Variants in ANKS1B observed in about 807,000 individuals in gnomAD.
The protein encoded by ANKS1B is ankyrin repeat and sterile alpha motif domain containing 1B, also known as ankyrin repeat and sterile alpha motif domain-containing protein 1B.
In ANKS1B, 36 loss-of-function variants were observed where a neutral mutation model predicts 148.3. That is an observed-to-expected ratio of 0.24 (90% CI 0.19 to 0.32). The LOEUF is 0.32. Among genes scored for constraint, ANKS1B ranks in the 10% least tolerant of loss-of-function variants. The pLI, the probability that ANKS1B is intolerant of heterozygous loss-of-function variation, is 1.00. For synonymous variants in ANKS1B, 542 were observed against 560.8 expected (o/e 0.97, Z 0.47); for missense variants, 1,157 against 1,542.6 (o/e 0.75, Z 4.19).
chr12:99,739,770 G>A (rs1190475727), intron 8 of ANKS1B, among the ~76,000 whole-genome samples: 1 of 151,950 alleles, frequency 6.6e-6, no homozygotes, highest in East Asian at 1.9e-4. Flanking sequence ...TCAGATAGTT[G>A]ATGGCTAACT....
intron 9 of ANKS1B, among the ~76,000 whole-genome samples, chr12:99,540,018 C>T (rs1385472054): frequency 6.6e-6 from 1 of 151,862 alleles, no homozygotes; most frequent in Non-Finnish European, 1.5e-5. Context: ...AGTGACTATA[C>T]TAATATTGAA....
intron 17 of ANKS1B, among the ~76,000 whole-genome samples, chr12:98,919,997 G>C (rs1376649453): frequency 6.6e-6 from 1 of 152,136 alleles, no homozygotes; most frequent in East Asian, 1.9e-4. Flanking sequence ...TAGTTTGCTA[G>C]GTCTACCATA....
chr12:98,909,001 T>C (rs1461899054), intron 17 of ANKS1B, among the ~76,000 whole-genome samples: 1 of 152,162 alleles, frequency 6.6e-6, no homozygotes, highest in Non-Finnish European at 1.5e-5. Context: ...CAGTGTCTGT[T>C]CTCAAAGAGG....
intron 17 of ANKS1B, among the ~76,000 whole-genome samples, chr12:98,873,758 C>T (rs1486868210): frequency 2.6e-5 from 4 of 152,194 alleles, no homozygotes; most frequent in Non-Finnish European, 5.9e-5. Flanking sequence ...TGAAAAAAGA[C>T]AGTCGTCGTC....
chr12:99,276,184 G>A (rs2153993628), intron 12 of ANKS1B, among the ~76,000 whole-genome samples: 1 of 152,272 alleles, frequency 6.6e-6, no homozygotes. Context: ...ATGAATGAGA[G>A]TTGAGTTAGA....
At chr12:99,618,530 C>T (rs143246573) in intron 9 of ANKS1B, among the ~76,000 whole-genome samples, 1 of 152,210 alleles carries the variant, frequency 6.6e-6, no homozygotes, top group African/African-American at 2.4e-5. Flanking sequence ...GAGGAGAATG[C>T]TGGCCAACAG....
intron 17 of ANKS1B, among the ~76,000 whole-genome samples, chr12:98,936,296 C>T (rs1416339208): frequency 6.6e-6 from 1 of 152,188 alleles, no homozygotes; most frequent in Non-Finnish European, 1.5e-5. Context: ...GACTCCAAAG[C>T]CAATGCTGTC....
chr12:99,127,914 A>G (rs2064891913), intron 15 of ANKS1B, among the ~76,000 whole-genome samples: 1 of 152,238 alleles, frequency 6.6e-6, no homozygotes, highest in African/African-American at 2.4e-5. Flanking sequence ...TATTTTGAAA[A>G]GATACATAAA....
At chr12:99,527,562 C>A (rs999995557) in intron 9 of ANKS1B, among the ~76,000 whole-genome samples, 4 of 152,092 alleles carry the variant, frequency 2.6e-5, no homozygotes, top group Non-Finnish European at 5.9e-5. Context: ...AGAGTTATAT[C>A]TTACAATTAT....
chr12:98,780,895 G>A (rs1351509598), intron 24 of ANKS1B, among the ~76,000 whole-genome samples: 1 of 152,110 alleles, frequency 6.6e-6, no homozygotes, highest in East Asian at 1.9e-4. Flanking sequence ...AGAAACCCCA[G>A]ATCAAGCCCT....
chr12:99,444,310 G>A (rs151187407), intron 10 of ANKS1B, among the ~76,000 whole-genome samples: 282 of 151,988 alleles, frequency 1.9e-3, no homozygotes, highest in African/African-American at 6.6e-3. Flanking sequence ...GCACCCTAGT[G>A]AATGAAGCTT....
intron 17 of ANKS1B, among the ~76,000 whole-genome samples, chr12:98,916,000 G>C (rs2099793874): frequency 6.6e-6 from 1 of 152,112 alleles, no homozygotes; most frequent in Non-Finnish European, 1.5e-5. Flanking sequence ...CCTAGGTCTT[G>C]CCTATCCTGC....
intron 9 of ANKS1B, among the ~76,000 whole-genome samples, chr12:99,615,166 A>T (rs1398370932): frequency 6.6e-6 from 1 of 150,742 alleles, no homozygotes; most frequent in Non-Finnish European, 1.5e-5. Flanking sequence ...AGGTAGGCAG[A>T]TAGATTACAC....
At chr12:99,826,043 A>T (rs2083148461) in intron 1 of ANKS1B, among the ~76,000 whole-genome samples, 1 of 152,174 alleles carries the variant, frequency 6.6e-6, no homozygotes, top group Admixed American at 6.5e-5. Flanking sequence ...AACTACAATT[A>T]AGGAAACTCT....
At chr12:99,890,063 C>A (rs1181106030) in intron 1 of ANKS1B, among the ~76,000 whole-genome samples, 1 of 152,136 alleles carries the variant, frequency 6.6e-6, no homozygotes, top group Non-Finnish European at 1.5e-5. Context: ...TCTTCTCCCC[C>A]AGTCCTATGA....
intron 11 of ANKS1B, among the ~76,000 whole-genome samples, chr12:99,421,862 C>T (rs2095095185): frequency 6.6e-6 from 1 of 152,098 alleles, no homozygotes; most frequent in Non-Finnish European, 1.5e-5. Context: ...TGTCTTGGTG[C>T]TGTCCTCGTG....
intron 8 of ANKS1B, among the ~76,000 whole-genome samples, chr12:99,767,416 CA>C (rs938575598): frequency 6.6e-6 from 1 of 150,414 alleles, no homozygotes; most frequent in Non-Finnish European, 1.5e-5. Flanking sequence ...AAAAAAAAAA[CA>C]AAAAAACTTT....
intron 10 of ANKS1B, among the ~76,000 whole-genome samples, chr12:99,470,677 A>G (rs1165025872): frequency 2.6e-5 from 4 of 152,166 alleles, no homozygotes; most frequent in African/African-American, 9.6e-5. Flanking sequence ...CACACATGCA[A>G]TATAGCTATG....
intron 1 of ANKS1B, among the ~76,000 whole-genome samples, chr12:99,937,773 T>C (rs2094817196): frequency 6.6e-6 from 1 of 152,182 alleles, no homozygotes; most frequent in African/African-American, 2.4e-5. Context: ...ACTAGATTTA[T>C]AGCATAACAG....
Sources: gnomAD v4.1 joint callset for allele counts (sites outside exome capture counted in the v4.1 genomes callset) on GRCh38, gnomAD v4.1.1 for gene constraint, MANE v1.5 for transcripts, NCBI Gene and HGNC (gene_info 2026-07-23, HGNC 2026-07-21) for gene names.